Variants in RALGAPA1 observed in about 807,000 individuals in gnomAD.
The protein encoded by RALGAPA1 is Ral GTPase activating protein catalytic subunit alpha 1.
Under a neutral mutation model 269.6 loss-of-function variants are expected in RALGAPA1, and 52 were observed. The ratio of observed to expected loss-of-function variants is 0.19; its 90% CI spans 0.15 to 0.24. The LOEUF is 0.24. Among genes scored for constraint, RALGAPA1 ranks in the 10% least tolerant of loss-of-function variants. The probability of loss-of-function intolerance (pLI) is 1.00; values close to 1 mark genes in which losing one functional copy is unlikely to be tolerated. For synonymous variants in RALGAPA1, 817 were observed against 1,008.3 expected (o/e 0.81, Z 3.60); for missense variants, 1,917 against 3,013.9 (o/e 0.64, Z 8.52).
Position 35,689,488 on chromosome 14 carries a change from C to T in RALGAPA1, c.2923G>A (p.Gly975Ser), listed in dbSNP as rs770092705. Residue 975 changes from glycine (G) to serine (S), a missense_variant, in exon 18 of 42, where the codon GGT (glycine) becomes AGT (serine). This residue lies in a region of RALGAPA1 where 615 missense variants were observed against 790.0 expected (regional missense o/e 0.78). Coordinates refer to ENST00000680220, the MANE Select transcript of RALGAPA1 (RefSeq NM_001346249.2). Reference sequence around the variant, plus strand: ...AATTTATCTAAGGATAATCTTTCACCCCTATTTACTGCAATAGTCACTTCC... The same window carrying T: ...AATTTATCTAAGGATAATCTTTCACTCCTATTTACTGCAATAGTCACTTCC... Reference protein sequence around the residue: ...SQEVTIAVNRGERLSLDKLEC... With the variant: ...SQEVTIAVNRSERLSLDKLEC... The T allele has an allele frequency of 2.4e-6, 3 of 1,236,132 alleles. No homozygotes were observed. The highest frequency in any genetic ancestry group is 3.0e-6 in the Non-Finnish European group (3 of 990,924). The allele number at this position is 1,236,132 out of a possible 1,614,324, so 76.6% of individuals were successfully genotyped here.
chr14:35,542,805 A>C (rs1422224888), intron 41 of RALGAPA1, among the ~76,000 whole-genome samples: 1 of 152,222 alleles, frequency 6.6e-6, no homozygotes, highest in Admixed American at 6.5e-5. Context: ...GTGCTCACAC[A>C]GACTGTGTAA....
chr14:35,552,790 G>A (rs17103390), intron 39 of RALGAPA1, among the ~76,000 whole-genome samples: 6,231 of 151,106 alleles, frequency 0.041, 365 homozygotes, highest in African/African-American at 0.12. Context: ...TCCTCCTTCC[G>A]CTTTCTACAA....
At chr14:35,592,156 G>T (rs573267397) in intron 37 of RALGAPA1, among the ~76,000 whole-genome samples, 46 of 152,240 alleles carry the variant, frequency 3.0e-4, no homozygotes, top group African/African-American at 1.1e-3. Context: ...TGTTAAGACT[G>T]TAACCAATCA....
chr14:35,609,728 G>A (rs1285203797), intron 35 of RALGAPA1, among the ~76,000 whole-genome samples: 1 of 151,932 alleles, frequency 6.6e-6, no homozygotes, highest in Non-Finnish European at 1.5e-5. Context: ...TTCGAGACCA[G>A]CCTGGGCAAC....
chr14:35,557,137 T>TGTGC (rs2055702489), intron 39 of RALGAPA1, among the ~76,000 whole-genome samples: 1 of 141,628 alleles, frequency 7.1e-6, no homozygotes, highest in Non-Finnish European at 1.6e-5. Flanking sequence ...TGTGTGTGTG[T>TGTGC]ATATATATTC....
At chr14:35,722,396 G>A (rs1482006044) in intron 15 of RALGAPA1, among the ~76,000 whole-genome samples, 1 of 152,148 alleles carries the variant, frequency 6.6e-6, no homozygotes, top group Non-Finnish European at 1.5e-5. Context: ...CAGATTGTTT[G>A]AGCCCAGGAG....
chr14:35,704,414 A>G (rs1000680730), intron 16 of RALGAPA1, among the ~76,000 whole-genome samples: 1 of 152,156 alleles, frequency 6.6e-6, no homozygotes, highest in African/African-American at 2.4e-5. Context: ...GTATTCTAAG[A>G]TAAAAGGATT....
chr14:35,691,344 A>G (rs2066463977), intron 17 of RALGAPA1, among the ~76,000 whole-genome samples: 1 of 152,102 alleles, frequency 6.6e-6, no homozygotes, highest in Admixed American at 6.6e-5. Context: ...ATGTCTATGA[A>G]TCCATCATGG....
Position 35,595,792 on chromosome 14 carries a change from A to G in RALGAPA1, c.7054-3T>C, listed in dbSNP as rs750743235. On this transcript the variant is annotated splice_polypyrimidine_tract_variant and splice_region_variant and intron_variant, in intron 36 of 41. Transcript: ENST00000680220. ...CCACAATGGTTTGTAAGATTTACCTAGAAGTAATGAAGAGTCACATAAATT... is the reference window on the plus strand; with the variant it reads ...CCACAATGGTTTGTAAGATTTACCTGGAAGTAATGAAGAGTCACATAAATT... 6.2e-6 allele frequency: 10 copies of G among 1,609,736 alleles called. No homozygotes were observed. The South Asian group carries it at 1.1e-4, about 18-fold the overall frequency.
intron 4 of RALGAPA1, chr14:35,765,799 A>G (rs1417019985): frequency 2.0e-6 from 1 of 504,874 alleles, no homozygotes; most frequent in African/African-American, 2.0e-5. Context: ...GCCAGCCAAA[A>G]ATTACTGTCT....
chr14:35,758,265 AAC>A (rs2073376416), intron 6 of RALGAPA1, among the ~76,000 whole-genome samples: 6 of 150,566 alleles, frequency 4.0e-5, no homozygotes, highest in African/African-American at 1.5e-4. Flanking sequence ...AAAAAAAAAA[AAC>A]AAACCGAAAA....
At chr14:35,766,008 T>C in intron 4 of RALGAPA1, 1 of 1,406,172 alleles carries the variant, frequency 7.1e-7, no homozygotes. Context: ...GAATCTCCAC[T>C]TTGAGAATGA....
At chr14:35,548,978 T>C in intron 40 of RALGAPA1, 132 bp downstream of exon 40, 5 of 1,080,610 alleles carry the variant, frequency 4.6e-6, no homozygotes, top group Non-Finnish European at 6.5e-6. Flanking sequence ...ATAGGCCAAA[T>C]TCAAATATTA....
chr14:35,676,456 C>T (rs959364108), intron 22 of RALGAPA1: 1 of 152,296 alleles, frequency 6.6e-6, no homozygotes, highest in Non-Finnish European at 1.5e-5. Context: ...AGGTGATCCA[C>T]CTGCCTTTGC....
At chr14:35,711,567 C>G (rs2068343994) in intron 16 of RALGAPA1, among the ~76,000 whole-genome samples, 2 of 152,204 alleles carry the variant, frequency 1.3e-5, no homozygotes, top group African/African-American at 4.8e-5. Flanking sequence ...CCTACCTCAG[C>G]CTCCTGAGTA....
intron 13 of RALGAPA1, among the ~76,000 whole-genome samples, chr14:35,726,864 C>CA (rs941927029): frequency 6.6e-6 from 1 of 152,058 alleles, no homozygotes. Flanking sequence ...AACCGTAGTT[C>CA]AAATCTCTGT....
intron 35 of RALGAPA1, among the ~76,000 whole-genome samples, chr14:35,619,105 C>T (rs543667849): frequency 1.3e-5 from 2 of 151,506 alleles, no homozygotes; most frequent in South Asian, 4.2e-4. Flanking sequence ...AAGACTTGGC[C>T]TATCAGATAT....
chr14:35,703,157 G>A (rs1358808489), intron 16 of RALGAPA1, among the ~76,000 whole-genome samples: 1 of 152,068 alleles, frequency 6.6e-6, no homozygotes. Context: ...TTTATGTTGT[G>A]ATTCTGAATG....
rs369234909 is a variant in RALGAPA1, at chr14:35,538,643, G to C, written c.*1071C>G. 6.6e-5 allele frequency: 10 copies of C among 152,552 alleles called. 1 individual carries two copies. Among genetic ancestry groups the C allele is most frequent in the African/African-American group, 1.7e-4 (7 of 41,554 alleles). 9.4% of individuals were successfully genotyped at this position (152,552 alleles called of 1,614,324 possible). On this transcript the variant is annotated 3_prime_UTR_variant, in exon 42 of 42. Transcript: ENST00000680220. ...TGCAAGTTCAGTATTAACAATATTA[G>C]ATTTAACTTAGACTCCTGGGTTATG...
Sources: gnomAD v4.1 joint callset for allele counts (sites outside exome capture counted in the v4.1 genomes callset) on GRCh38, gnomAD v4.1.1 for gene constraint, gnomAD v4.1.1 regional missense constraint, MANE v1.5 for transcripts, NCBI Gene and HGNC (gene_info 2026-07-23, HGNC 2026-07-21) for gene names.